Variants in CRB1 observed in about 807,000 individuals in gnomAD.
CRB1 encodes the protein protein crumbs homolog 1.
In CRB1, 83 loss-of-function variants were observed where a neutral mutation model predicts 120.0. The observed-to-expected ratio is 0.69, with a 90% CI of 0.58 to 0.83. The LOEUF (loss-of-function observed/expected upper bound fraction) is 0.83. CRB1 is among the 40% of genes least tolerant of loss of function. The probability of loss-of-function intolerance (pLI) is 0.00; values close to 1 mark genes in which losing one functional copy is unlikely to be tolerated. For synonymous variants in CRB1, 625 were observed against 612.5 expected, an observed-to-expected ratio of 1.02 and a Z score of -0.30; for missense variants, 1,699 against 1,687.6, an observed-to-expected ratio of 1.01 and a Z score of -0.12.
At chr1:197,212,793 C>T in the CRB1 span, among the ~76,000 whole-genome samples, 2 of 151,900 alleles carry the variant, frequency 1.3e-5, no homozygotes, top group South Asian at 2.1e-4. Flanking sequence ...CACCCAGACA[C>T]GTGAACAGAG....
intron 1 of CRB1, among the ~76,000 whole-genome samples, chr1:197,311,814 A>G (rs938502795): frequency 4.0e-5 from 6 of 151,786 alleles, no homozygotes; most frequent in African/African-American, 1.5e-4. Context: ...TATTATTTAT[A>G]TCTTTTAATG....
the CRB1 span, among the ~76,000 whole-genome samples, chr1:197,207,241 T>C: frequency 6.6e-6 from 1 of 152,138 alleles, no homozygotes. Context: ...TGAGGTACTA[T>C]TCTATTCATT....
chr1:197,327,519 A>G (rs985146381), intron 1 of CRB1, among the ~76,000 whole-genome samples: 3 of 152,176 alleles, frequency 2.0e-5, no homozygotes, highest in Non-Finnish European at 4.4e-5. Context: ...TTATTAGAAA[A>G]TACATACACA....
intron 1 of CRB1, among the ~76,000 whole-genome samples, chr1:197,278,656 A>G (rs932414630): frequency 7.2e-5 from 11 of 152,074 alleles, no homozygotes; most frequent in Admixed American, 2.6e-4. Flanking sequence ...ACTAAAGTCC[A>G]TATTCAGGCA....
intron 5 of CRB1, among the ~76,000 whole-genome samples, chr1:197,387,995 T>C: frequency 6.6e-6 from 1 of 151,746 alleles, no homozygotes; most frequent in East Asian, 1.9e-4. Context: ...CATCTCTCTC[T>C]CTCTCTATAT....
chr1:197,421,271 AATCGCAACC>A lies in CRB1; in HGVS notation c.1445_1453del (p.Ile482_Thr484del), dbSNP rs780580887. The stretch of plus-strand genomic sequence containing the variant: ...CTGGCTACACCGGGTCCCTGTGTGA[AATCGCAACC>A]ACACTTTCATTTGAGGGCGATGGCT... On this transcript the variant is annotated inframe_deletion, in exon 6 of 12. Transcript: ENST00000367400. 1.9e-6 allele frequency: 3 copies of A among 1,614,174 alleles called. No individual in the cohort carries two copies. Among genetic ancestry groups the A allele is most frequent in the Non-Finnish European group, 2.5e-6 (3 of 1,180,002 alleles).
chr1:197,339,653 A>G (rs1659344529), intron 2 of CRB1, among the ~76,000 whole-genome samples: 1 of 152,220 alleles, frequency 6.6e-6, no homozygotes, highest in Admixed American at 6.5e-5. Flanking sequence ...TGATGAAGAC[A>G]GCGTCAAAGT....
chr1:197,473,428 T>C (rs1667064123), intron 11 of CRB1, among the ~76,000 whole-genome samples: 1 of 152,174 alleles, frequency 6.6e-6, no homozygotes, highest in Non-Finnish European at 1.5e-5. Context: ...GGGTCCTATA[T>C]AGGCCAGAAC....
At chr1:197,357,216 G>A in intron 5 of CRB1, 1 of 645,000 alleles carries the variant, frequency 1.6e-6, no homozygotes. Context: ...ATTAAAGAGG[G>A]ATAAAGGAGG....
At chr1:197,228,636 C>T in the CRB1 span, among the ~76,000 whole-genome samples, 1 of 152,188 alleles carries the variant, frequency 6.6e-6, no homozygotes, top group African/African-American at 2.4e-5. Context: ...TTCTTCTGAG[C>T]CCTCCAAACT....
intron 10 of CRB1, 52 bp downstream of exon 10, chr1:197,438,727 G>C (rs759678425): frequency 3.7e-6 from 6 of 1,601,892 alleles, no homozygotes; most frequent in South Asian, 1.1e-5. Flanking sequence ...AAGAATGATG[G>C]GATTACTCAA....
At position 197,319,432 on chromosome 1, in the gene CRB1, CAAAAAAAAAAAAA is replaced by C. The variant is rs10646084; in HGVS notation, c.71-8976_71-8964del. ...TGGGTGACAGAGTGAGACTCCATCT[CAAAAAAAAAAAAA>C]AAAAAAAAAAAAAGAAAGAACGGAG... is the stretch of plus-strand genomic sequence containing the variant. On this transcript the variant is annotated intron_variant, in intron 1 of 11. Coordinates refer to ENST00000367400, the MANE Select transcript of CRB1 (RefSeq NM_201253.3). Among the ~76,000 whole-genome samples, 9 of 27,094 alleles carry C rather than the reference CAAAAAAAAAAAAA, an allele frequency of 3.3e-4. 1 individual carries two copies. The highest frequency in any genetic ancestry group is 7.0e-3 in the South Asian group (2 of 286). The allele number at this position is 27,094 out of a possible 152,430, so 17.8% of individuals were successfully genotyped here.
the CRB1 span, among the ~76,000 whole-genome samples, chr1:197,262,327 A>G: frequency 3.3e-5 from 5 of 152,184 alleles, no homozygotes; most frequent in South Asian, 1.0e-3. Flanking sequence ...ATATATTTTA[A>G]AACTGTACCT....
At chr1:197,460,001 C>CTTTTTTTTTTTTTTTTTTTTTTTT (rs10679172) in intron 11 of CRB1, among the ~76,000 whole-genome samples, 16 of 75,644 alleles carry the variant, frequency 2.1e-4, no homozygotes, top group Admixed American at 3.6e-4. Context: ...AAGCCCCCCT[C>CTTTTTTTTTTTTTTTTTTTTTTTT]TTTTTTTTTT....
chr1:197,247,338 TATAGCCA>T, the CRB1 span, among the ~76,000 whole-genome samples: 2 of 152,214 alleles, frequency 1.3e-5, no homozygotes, highest in Non-Finnish European at 1.5e-5. Flanking sequence ...GTTGAAATTC[TATAGCCA>T]AGGTTGCAAG....
In CRB1 at chr1:197,434,757, G is replaced by A. The variant is rs1006177908; in HGVS notation, c.2894G>A (p.Ser965Asn). The change falls in exon 9 of 12, where the codon AGC becomes AAC. Residue 965 changes from serine (S) to asparagine (N), a missense_variant. By Grantham distance (46) the Ser-to-Asn change is conservative. Coordinates refer to ENST00000367400, the MANE Select transcript of CRB1 (RefSeq NM_201253.3). ...NGQSGQILFR[S>N]NGNITRELTN... ...CAAAGCGGTCAAATATTATTCAGAAGCAATGGGAATATTACCAGAGAACTC... is the reference window on the plus strand; with the variant it reads ...CAAAGCGGTCAAATATTATTCAGAAACAATGGGAATATTACCAGAGAACTC... 32 of 1,613,418 alleles carry A rather than the reference G, an allele frequency of 2.0e-5. No homozygotes were observed. Among genetic ancestry groups the A allele is most frequent in the Admixed American group, 1.0e-4 (6 of 59,924 alleles).
Position 197,268,417 on chromosome 1 carries a change from C to A in CRB1, c.5C>A (p.Ala2Glu). M[A>E]LKNINYLLIF... is the part of the protein sequence containing the mutation. ...GGATGTTCTCTAAATAAGACCATGG[C>A]ACTTAAGAACATTAACTACCTTCTC... Residue 2 changes from alanine to glutamate, a missense_variant, in exon 1 of 12, where the codon GCA becomes GAA. Transcript: ENST00000367400. 6.2e-7 allele frequency: 1 copy of A among 1,608,288 alleles called. No individual in the cohort carries two copies. The highest frequency in any genetic ancestry group is 8.5e-7 in the Non-Finnish European group (1 of 1,174,724).
the CRB1 span, among the ~76,000 whole-genome samples, chr1:197,208,814 T>G: frequency 6.6e-6 from 1 of 152,134 alleles, no homozygotes; most frequent in Admixed American, 6.5e-5. Context: ...TGCATTGTCT[T>G]TGGCTACCAG....
rs983064531 is a variant in CRB1, at chr1:197,343,241, C to G, written c.653-1040C>G. 5.3e-5 allele frequency among the ~76,000 whole-genome samples: 8 copies of G among 151,986 alleles called. No homozygotes were observed. The East Asian group carries it at 1.5e-3, about 29-fold the overall frequency. On this transcript the variant is annotated intron_variant, in intron 2 of 11. Coordinates refer to ENST00000367400, the MANE Select transcript of CRB1 (RefSeq NM_201253.3). ...GAGTTTTTTGAAAGTCTTTTAATAC[C>G]ATTTTAATATATAATTTATTATTTG...
Sources: gnomAD v4.1 joint callset for allele counts (sites outside exome capture counted in the v4.1 genomes callset) on GRCh38, gnomAD v4.1.1 for gene constraint, MANE v1.5 for transcripts, NCBI Gene and HGNC (gene_info 2026-07-23, HGNC 2026-07-21) for gene names.